Variants in SLCO1A2 observed in about 807,000 individuals in gnomAD.
The protein encoded by SLCO1A2 is solute carrier organic anion transporter family member 1A2, also known as OATP-1.
SLCO1A2 carries 67 observed loss-of-function variants against 69.0 expected under a neutral mutation model. The observed-to-expected ratio is 0.97, with a 90% confidence interval of 0.80 to 1.19. The LOEUF is 1.19. Ranked by LOEUF, SLCO1A2 falls within the 50% of genes most tolerant of loss-of-function variation. SLCO1A2 has a pLI of 0.00. For missense variants in SLCO1A2, 787 were observed against 793.7 expected, an observed-to-expected ratio of 0.99 and a Z score of 0.10; for synonymous variants, 260 against 265.9, an observed-to-expected ratio of 0.98 and a Z score of 0.22.
chr12:21,361,246 C>G (rs1938846369), intron 2 of SLCO1A2, among the ~76,000 whole-genome samples: 12 of 152,192 alleles, frequency 7.9e-5, no homozygotes, highest in Admixed American at 7.9e-4. Flanking sequence ...TGTTCTTCAG[C>G]CTCCGCTGGT....
In SLCO1A2 at chr12:21,268,763, C is replaced by T. The variant is rs1404078805; in HGVS notation, c.*785G>A. ...AAAGTGGTTCTTTGACAATATCTGA[C>T]ATTACAAACAGCCTTTAAGAACTGG... On this transcript the variant is annotated 3_prime_UTR_variant, in exon 15 of 15. Coordinates refer to ENST00000683939, the MANE Select transcript of SLCO1A2 (RefSeq NM_001386879.1). The T allele has an allele frequency of 6.6e-6, 1 of 151,958 alleles. No individual in the cohort carries two copies. Among genetic ancestry groups the T allele is most frequent in the African/African-American group, 2.4e-5 (1 of 41,408 alleles). The allele number at this position is 151,958 out of a possible 1,614,324, so 9.4% of individuals were successfully genotyped here. A position where few individuals can be genotyped will look rare whatever the true frequency, so the allele number is the denominator to read the frequency against.
intron 1 of SLCO1A2, among the ~76,000 whole-genome samples, chr12:21,383,333 C>T (rs763890777): frequency 1.8e-4 from 27 of 152,054 alleles, no homozygotes; most frequent in Admixed American, 1.6e-3. Flanking sequence ...AAACCTTTGC[C>T]GACTAAGTAG....
chr12:21,334,216 C>T (rs1952784441), intron 2 of SLCO1A2, among the ~76,000 whole-genome samples: 1 of 152,054 alleles, frequency 6.6e-6, no homozygotes, highest in South Asian at 2.1e-4. Context: ...CAAAGCATTT[C>T]TGTGCAATGA....
chr12:21,356,598 A>G (rs1049744395), intron 2 of SLCO1A2, among the ~76,000 whole-genome samples: 10 of 152,172 alleles, frequency 6.6e-5, no homozygotes, highest in African/African-American at 2.4e-4. Context: ...AATGTGACAT[A>G]GAAAAGTAGT....
At chr12:21,396,747 C>G (rs1454729678), upstream of SLCO1A2, among the ~76,000 whole-genome samples, 1 of 152,010 alleles carries the variant, frequency 6.6e-6, no homozygotes, top group Non-Finnish European at 1.5e-5. Context: ...AATTTTCAAC[C>G]CAGAATTTCA....
chr12:21,409,029 A>G (rs888887061), intron 1 of SLCO1A2, among the ~76,000 whole-genome samples: 8 of 152,182 alleles, frequency 5.3e-5, no homozygotes, highest in Non-Finnish European at 5.9e-5. Flanking sequence ...GGGTTCTAAA[A>G]GCAACCAAGT....
intron 1 of SLCO1A2, chr12:21,378,598 AT>A: frequency 5.5e-6 from 3 of 547,264 alleles, no homozygotes. Context: ...CTAAGGTCCC[AT>A]AATAAAAAGA....
intron 1 of SLCO1A2, among the ~76,000 whole-genome samples, chr12:21,392,084 G>T (rs1434893798): frequency 1.3e-5 from 2 of 152,122 alleles, no homozygotes; most frequent in African/African-American, 2.4e-5. Flanking sequence ...TTCTCTTAAG[G>T]CCACTTTCTT....
At chr12:21,377,643 A>C (rs1376729608) in intron 1 of SLCO1A2, among the ~76,000 whole-genome samples, 1 of 152,150 alleles carries the variant, frequency 6.6e-6, no homozygotes, top group Non-Finnish European at 1.5e-5. Flanking sequence ...CTTCATATAC[A>C]TGGAACCAAG....
chr12:21,299,770 G>GTATATATATATATATA (rs749456623), intron 8 of SLCO1A2, among the ~76,000 whole-genome samples: 1 of 129,706 alleles, frequency 7.7e-6, no homozygotes, highest in Admixed American at 7.8e-5. Context: ...ATATACGTGT[G>GTATATATATATATATA]TATATATATA....
chr12:21,345,823 T>G (rs1251516432), intron 2 of SLCO1A2, among the ~76,000 whole-genome samples: 1 of 152,068 alleles, frequency 6.6e-6, no homozygotes, highest in Non-Finnish European at 1.5e-5. Context: ...AATATTATTT[T>G]TAAATATACA....
intron 2 of SLCO1A2, among the ~76,000 whole-genome samples, chr12:21,367,659 T>C (rs1448234484): frequency 6.6e-6 from 1 of 152,016 alleles, no homozygotes; most frequent in Admixed American, 6.6e-5. Flanking sequence ...CACAGCATAT[T>C]ACTCAGTTCA....
chr12:21,306,225 A>G (rs1460550960), intron 5 of SLCO1A2, among the ~76,000 whole-genome samples: 2 of 152,172 alleles, frequency 1.3e-5, no homozygotes, highest in Admixed American at 6.5e-5. Flanking sequence ...TCTAGTTCCT[A>G]TTTACATAAT....
chr12:21,406,019 G>C (rs1359276247), intron 1 of SLCO1A2, among the ~76,000 whole-genome samples: 2 of 152,200 alleles, frequency 1.3e-5, no homozygotes, highest in African/African-American at 4.8e-5. Flanking sequence ...AGGTCCTAGA[G>C]ATATTGTTAT....
At position 21,267,306 on chromosome 12, in the gene SLCO1A2, G is replaced by C. The variant is rs1434136243; in HGVS notation, c.*2242C>G. The C allele has an allele frequency of 6.6e-6, 1 of 152,110 alleles. No individual in the cohort carries two copies. Among genetic ancestry groups the C allele is most frequent in the Non-Finnish European group, 1.5e-5 (1 of 68,058 alleles). The allele number at this position is 152,110 out of a possible 1,614,324, so 9.4% of individuals were successfully genotyped here. A position where few individuals can be genotyped will look rare whatever the true frequency, so the allele number is the denominator to read the frequency against. ...ATGCTCCATTGAGGGAGTTCAAGTG[G>C]GTGAATTGTCCACAAAGCAAGACTC... On this transcript the variant is annotated 3_prime_UTR_variant, in exon 15 of 15. Coordinates refer to ENST00000683939, the MANE Select transcript of SLCO1A2 (RefSeq NM_001386879.1).
chr12:21,353,785 G>A (rs1005371245), intron 2 of SLCO1A2, among the ~76,000 whole-genome samples: 2 of 152,296 alleles, frequency 1.3e-5, no homozygotes, highest in Middle Eastern at 3.4e-3. Flanking sequence ...GAGAAAGCCA[G>A]GCTAATGGCT....
At chr12:21,272,238 T>C (rs971345795) in intron 14 of SLCO1A2, among the ~76,000 whole-genome samples, 1 of 151,816 alleles carries the variant, frequency 6.6e-6, no homozygotes, top group African/African-American at 2.4e-5. Context: ...ATAGATGTAT[T>C]ATAGATTCAT....
intron 12 of SLCO1A2, among the ~76,000 whole-genome samples, chr12:21,287,185 C>G (rs1469043477): frequency 7.1e-6 from 1 of 141,016 alleles, no homozygotes; most frequent in Non-Finnish European, 1.5e-5. Flanking sequence ...ACAACCCCAT[C>G]AAAAAGTGGG....
chr12:21,387,782 C>T (rs1165974288), intron 1 of SLCO1A2, among the ~76,000 whole-genome samples: 1 of 152,112 alleles, frequency 6.6e-6, no homozygotes, highest in African/African-American at 2.4e-5. Context: ...TCCTCCAGAC[C>T]CCAGAATGGT....
Sources: allele counts gnomAD v4.1 joint callset (sites outside exome capture counted in the v4.1 genomes callset), GRCh38; gene constraint gnomAD v4.1.1; transcripts MANE v1.5; gene names NCBI Gene and HGNC (gene_info 2026-07-23, HGNC 2026-07-21).